The following ERAP2 variants were observed in gnomAD, a reference collection of about 807,000 sequenced individuals.
ERAP2 encodes the protein leukocyte-derived arginine aminopeptidase.
ERAP2 carries 118 observed loss-of-function variants against 111.1 expected under a neutral mutation model. That is an observed-to-expected ratio of 1.06 (90% CI 0.92 to 1.24). The LOEUF is 1.24. Ranked by LOEUF, ERAP2 falls within the 50% of genes most tolerant of loss-of-function variation. The probability of loss-of-function intolerance (pLI) is 0.00; values close to 1 mark genes in which losing one functional copy is unlikely to be tolerated. For missense variants in ERAP2, 1,131 were observed against 1,125.8 expected, an observed-to-expected ratio of 1.00 and a Z score of -0.07; for synonymous variants, 410 against 401.2, an observed-to-expected ratio of 1.02 and a Z score of -0.26.
In ERAP2 at chr5:96,918,316, G is replaced by A. The variant is rs977467351; in HGVS notation, c.*711G>A. 1 of 152,150 alleles carries A rather than the reference G, an allele frequency of 6.6e-6. No individual in the cohort carries two copies. Among genetic ancestry groups the A allele is most frequent in the Non-Finnish European group, 1.5e-5 (1 of 68,028 alleles). The allele number at this position is 152,150 out of a possible 1,614,324, so 9.4% of individuals were successfully genotyped here. On this transcript the variant is annotated 3_prime_UTR_variant, in exon 19 of 19. Coordinates refer to ENST00000437043, the MANE Select transcript of ERAP2 (RefSeq NM_022350.5). ...TTTTAACCTTGCTTAGTATTCTATA[G>A]TTTGCCCAACCAGTTTTACGTCCAA...
At chr5:96,907,180 T>C (rs192654715) in intron 13 of ERAP2, among the ~76,000 whole-genome samples, 1 of 152,360 alleles carries the variant, frequency 6.6e-6, no homozygotes, top group Non-Finnish European at 1.5e-5. Context: ...TTTATATATG[T>C]TTTATTCTTT....
In ERAP2 at chr5:96,901,783, T is replaced by C. The variant is rs529313494; in HGVS notation, c.1748+102T>C. On this transcript the variant is annotated intron_variant, in intron 11 of 18. Coordinates refer to ENST00000437043, the MANE Select transcript of ERAP2 (RefSeq NM_022350.5). ...ATCTGGCAACTTTGTAGGATGCTAG[T>C]TCCATATAAGAATCAAAGGCCTAAA... The C allele has an allele frequency of 1.1e-5, 13 of 1,195,880 alleles. No homozygotes were observed. The South Asian group carries it at 1.8e-4, about 17-fold the overall frequency. The allele number at this position is 1,195,880 out of a possible 1,614,324, so 74.1% of individuals were successfully genotyped here. A position where few individuals can be genotyped will look rare whatever the true frequency, so the allele number is the denominator to read the frequency against.
intron 2 of ERAP2, among the ~76,000 whole-genome samples, chr5:96,881,687 T>C (rs1783151145): frequency 1.3e-5 from 2 of 152,132 alleles, no homozygotes; most frequent in African/African-American, 2.4e-5. Flanking sequence ...TGCTCAGCCA[T>C]CCTATGGCTT....
chr5:96,917,634 C>T lies in ERAP2; in HGVS notation c.*29C>T, dbSNP rs765170638. The T allele has an allele frequency of 2.5e-5, 39 of 1,569,054 alleles. No individual in the cohort carries two copies. Among genetic ancestry groups the T allele is most frequent in the Non-Finnish European group, 3.0e-5 (35 of 1,152,052 alleles). Reference sequence around the variant, plus strand: ...GTCAATAGAAAAAGTAGGCTGGGCGCGGTGGCTCACGCCTGTAATCCCAGC... The same window carrying T: ...GTCAATAGAAAAAGTAGGCTGGGCGTGGTGGCTCACGCCTGTAATCCCAGC... On this transcript the variant is annotated 3_prime_UTR_variant, in exon 19 of 19. Coordinates refer to ENST00000437043, the MANE Select transcript of ERAP2 (RefSeq NM_022350.5).
Position 96,904,430 on chromosome 5 carries a change from C to T in ERAP2, c.2012+870C>T, listed in dbSNP as rs796762089. ...TTAGGTCAAATTGAGTGAAAGTGAC[C>T]AGCAGGACATCTCTGAGACAAAGTT... On this transcript the variant is annotated intron_variant, in intron 13 of 18. Transcript: ENST00000437043. Among the ~76,000 whole-genome samples the T allele has an allele frequency of 4.6e-5, 7 of 152,158 alleles. 1 individual carries two copies. Among genetic ancestry groups the T allele is most frequent in the African/African-American group, 1.7e-4 (7 of 41,506 alleles).
At chr5:96,887,094 TATATATACACACAC>T (rs1209139455) in intron 4 of ERAP2, among the ~76,000 whole-genome samples, 2 of 115,562 alleles carry the variant, frequency 1.7e-5, no homozygotes, top group Non-Finnish European at 3.5e-5. Context: ...TATATATATA[TATATATACACACAC>T]ACACACACAC....
intron 13 of ERAP2, among the ~76,000 whole-genome samples, chr5:96,904,603 T>C (rs1785836304): frequency 6.6e-6 from 1 of 152,166 alleles, no homozygotes; most frequent in South Asian, 2.1e-4. Flanking sequence ...AGTGAATGCA[T>C]GAAAGGTGAG....
chr5:96,889,853 C>A (rs1384118331), intron 5 of ERAP2, among the ~76,000 whole-genome samples: 1 of 151,986 alleles, frequency 6.6e-6, no homozygotes, highest in Non-Finnish European at 1.5e-5. Context: ...CACACACACA[C>A]ACACACACAC....
chr5:96,891,580 C>T (rs1447902807), intron 5 of ERAP2, among the ~76,000 whole-genome samples: 4 of 150,674 alleles, frequency 2.7e-5, no homozygotes, highest in African/African-American at 4.9e-5. Flanking sequence ...GGTACACACA[C>T]ACACACACAC....
At chr5:96,881,443 G>T in intron 2 of ERAP2, 1 of 456,242 alleles carries the variant, frequency 2.2e-6, no homozygotes, top group South Asian at 1.5e-5. Flanking sequence ...TCATAGAGTG[G>T]ACGGCTTGGT....
intron 8 of ERAP2, 58 bp from the exon 9 acceptor site, chr5:96,896,674 C>A: frequency 2.0e-6 from 3 of 1,504,422 alleles, no homozygotes; most frequent in Non-Finnish European, 2.7e-6. Context: ...CCTTTAAAAA[C>A]ATACCATACT....
chr5:96,885,003 C>G (rs1783580341), intron 3 of ERAP2, among the ~76,000 whole-genome samples: 1 of 152,156 alleles, frequency 6.6e-6, no homozygotes, highest in South Asian at 2.1e-4. Flanking sequence ...CACTAATACC[C>G]CATACACGTC....
intron 4 of ERAP2, among the ~76,000 whole-genome samples, chr5:96,888,434 C>G (rs775459306): frequency 6.6e-6 from 1 of 152,192 alleles, no homozygotes; most frequent in Non-Finnish European, 1.5e-5. Context: ...GTTTTTATTG[C>G]TTCACCTATA....
At chr5:96,906,679 C>A (rs1277876686) in intron 13 of ERAP2, among the ~76,000 whole-genome samples, 1 of 152,142 alleles carries the variant, frequency 6.6e-6, no homozygotes, top group Non-Finnish European at 1.5e-5. Context: ...ATTGAAATGA[C>A]AACTTCAATT....
At chr5:96,891,373 A>G (rs993027980) in intron 5 of ERAP2, among the ~76,000 whole-genome samples, 22 of 131,252 alleles carry the variant, frequency 1.7e-4, no homozygotes, top group Non-Finnish European at 2.9e-4. Context: ...ATATATGTGT[A>G]TATATATATA....
At position 96,900,130 on chromosome 5, in the gene ERAP2, G is replaced by C. The variant is rs1429360293; in HGVS notation, c.1513G>C (p.Glu505Gln). Reference protein sequence around the residue: ...LWSSLSNSCLESDFTSGGVCH... With the variant: ...LWSSLSNSCLQSDFTSGGVCH... The stretch of plus-strand genomic sequence containing the variant: ...TGTTCTTGTTTTGTAGAGTTGTTTA[G>C]AAAGTGATTTTACATCTGGTGGAGT... The change falls in exon 10 of 19, where the codon GAA (glutamate) becomes CAA (glutamine). Residue 505 changes from glutamate to glutamine, a missense_variant. By Grantham distance (29) the Glu-to-Gln change is conservative. Around this residue, in one of 3 missense-constraint regions of ERAP2, gnomAD observed 847 missense variants for 856.5 expected, o/e 0.99. Transcript: ENST00000437043. 1.2e-5 allele frequency: 19 copies of C among 1,613,726 alleles called. No homozygotes were observed. The highest frequency in any genetic ancestry group is 1.6e-5 in the Non-Finnish European group (19 of 1,179,884).
Position 96,902,291 on chromosome 5 carries a change from C to T in ERAP2, c.1766C>T (p.Pro589Leu). The T allele has an allele frequency of 6.2e-7, 1 of 1,609,540 alleles. No individual in the cohort carries two copies. The highest frequency in any genetic ancestry group is 1.1e-5 in the South Asian group (1 of 90,992). ...TGTCATAGGTACCTGTGGCATATCC[C>T]ATTGACCTACTCCACGAGTTCTTCT... is the stretch of plus-strand genomic sequence containing the variant. ...ALQERYLWHI[P>L]LTYSTSSSNV... Residue 589 changes from proline (P) to leucine (L), a missense_variant, in exon 12 of 19, where the codon CCA becomes CTA. Physicochemically the swap from Pro to Leu is moderately conservative, Grantham distance 98. This residue lies in a region of ERAP2 where 847 missense variants were observed against 856.5 expected (regional missense o/e 0.99). Coordinates refer to ENST00000437043, the MANE Select transcript of ERAP2 (RefSeq NM_022350.5).
chr5:96,907,199 CA>C (rs1273552022), intron 13 of ERAP2, among the ~76,000 whole-genome samples: 2 of 152,134 alleles, frequency 1.3e-5, no homozygotes, highest in Non-Finnish European at 2.9e-5. Context: ...TTAAGCTAAA[CA>C]AACATTCAGA....
In ERAP2 at chr5:96,913,394, G is replaced by A. The variant is rs746980048; in HGVS notation, c.2594G>A (p.Arg865His). ...LAALLHAIAR[R>H]PKGQQLAWDF... ...GCTCTCCTTCATGCGATTGCCAGAC[G>A]TCCAAAGGGGCAGCAACTAGCATGG... The change falls in exon 17 of 19, where the codon CGT becomes CAT. Residue 865 changes from arginine to histidine, a missense_variant. Arg to His is a conservative substitution (Grantham distance 29). Around this residue, in one of 3 missense-constraint regions of ERAP2, gnomAD observed 279 missense variants for 250.9 expected, o/e 1.11. Transcript: ENST00000437043. 94 of 1,613,932 alleles carry A rather than the reference G, an allele frequency of 5.8e-5. No individual in the cohort carries two copies. In the Admixed American group the frequency reaches 6.8e-4, roughly 12 times the overall value.
Sources: allele counts gnomAD v4.1 joint callset (sites outside exome capture counted in the v4.1 genomes callset), GRCh38; gene constraint gnomAD v4.1.1; regional missense constraint gnomAD v4.1.1; transcripts MANE v1.5; gene names NCBI Gene and HGNC (gene_info 2026-07-23, HGNC 2026-07-21).